TCTN1: variants seen among roughly 807,000 people sequenced by gnomAD.
TCTN1 encodes the protein tectonic family member 1.
TCTN1 carries 58 observed loss-of-function variants against 65.8 expected under a neutral mutation model. The observed-to-expected ratio is 0.88, with a 90% CI of 0.71 to 1.10. TCTN1 has a LOEUF of 1.10. TCTN1 is among the 50% of genes least tolerant of loss of function. The probability of loss-of-function intolerance (pLI) is 0.00; values close to 1 mark genes in which losing one functional copy is unlikely to be tolerated. For missense variants in TCTN1, 645 were observed against 719.4 expected (o/e 0.90, Z 1.18); for synonymous variants, 273 against 289.1 (o/e 0.94, Z 0.57).
intron 2 of TCTN1, among the ~76,000 whole-genome samples, chr12:110,621,821 C>G (rs1396104121): frequency 1.3e-5 from 2 of 151,756 alleles, no homozygotes; most frequent in African/African-American, 4.8e-5. Context: ...GAGCTCCTGC[C>G]ACATAGTGGG....
chr12:110,624,387 CT>C (rs1259268313), intron 2 of TCTN1, among the ~76,000 whole-genome samples: 1 of 150,076 alleles, frequency 6.7e-6, no homozygotes, highest in Non-Finnish European at 1.5e-5. Context: ...CTAATTTTTT[CT>C]TTGTTTTTTG....
At chr12:110,615,642 CTTTTTTTA>C (rs979969600) in intron 1 of TCTN1, among the ~76,000 whole-genome samples, 2 of 151,930 alleles carry the variant, frequency 1.3e-5, no homozygotes, top group African/African-American at 4.8e-5. Context: ...CCCCAGCTTG[CTTTTTTTA>C]TTTTTTTATT....
At chr12:110,628,736 G>A (rs776231783) in intron 3 of TCTN1, 31 bp from the exon 4 acceptor site, 19 of 1,545,366 alleles carry the variant, frequency 1.2e-5, no homozygotes, top group Non-Finnish European at 1.7e-5. Flanking sequence ...ATTTTATACC[G>A]ATTTAAAATA....
At chr12:110,623,140 A>G (rs2065564695) in intron 2 of TCTN1, among the ~76,000 whole-genome samples, 1 of 152,178 alleles carries the variant, frequency 6.6e-6, no homozygotes. Context: ...GACCTTCAGA[A>G]GTTCTCATTA....
At chr12:110,634,458 C>G (rs1465312773) in intron 5 of TCTN1, 4 of 597,164 alleles carry the variant, frequency 6.7e-6, no homozygotes, top group Non-Finnish European at 9.3e-6. Context: ...GAGAGGATCA[C>G]TTGAGGTGAG....
rs775749667 is a variant in TCTN1 at position 110,614,292 on chromosome 12, C to T, written c.110C>T (p.Ser37Phe). ...TPAVTTEGLN[S>F]TEAALATFGT... ...GCGGTGACGACAGAGGGCCTCAACT[C>T]CACCGAGGCAGCCCTGGCCACCTTC... The change falls in exon 1 of 15, where the codon TCC becomes TTC. Residue 37 changes from serine (S) to phenylalanine (F), a missense_variant. Transcript: ENST00000397659. 8.1e-6 allele frequency: 13 copies of T among 1,598,466 alleles called. No individual in the cohort carries two copies. The highest frequency in any genetic ancestry group is 1.3e-5 in the African/African-American group (1 of 74,782).
chr12:110,647,942 G>T, intron 14 of TCTN1, 49 bp downstream of exon 14: 3 of 1,610,006 alleles, frequency 1.9e-6, no homozygotes, highest in Non-Finnish European at 1.7e-6. Flanking sequence ...CCTTTGGAAA[G>T]TGTGCACGTG....
intron 1 of TCTN1, among the ~76,000 whole-genome samples, chr12:110,617,784 G>A (rs2065145903): frequency 6.6e-6 from 1 of 150,958 alleles, no homozygotes; most frequent in African/African-American, 2.4e-5. Flanking sequence ...GGGACTACGG[G>A]TGTGTGCCAC....
intron 1 of TCTN1, among the ~76,000 whole-genome samples, chr12:110,619,552 A>G (rs1183050134): frequency 6.6e-6 from 1 of 152,208 alleles, no homozygotes; most frequent in Non-Finnish European, 1.5e-5. Context: ...TGAAAACTGC[A>G]AATGCCTGGG....
At chr12:110,620,898 C>T (rs560213834) in intron 2 of TCTN1, among the ~76,000 whole-genome samples, 4 of 151,400 alleles carry the variant, frequency 2.6e-5, no homozygotes, top group African/African-American at 4.9e-5. Context: ...CTGCAACCAC[C>T]GCCTCCTGGC....
intron 12 of TCTN1, chr12:110,646,902 G>A (rs1420544191): frequency 1.5e-5 from 6 of 412,234 alleles, no homozygotes; most frequent in Non-Finnish European, 2.3e-5. Context: ...GAGCAGTTAT[G>A]GCCCTAAATG....
chr12:110,628,692 A>G, intron 3 of TCTN1, 75 bp from the exon 4 acceptor site: 1 of 1,356,830 alleles, frequency 7.4e-7, no homozygotes, highest in Non-Finnish European at 1.0e-6. Context: ...AAACTTTCCA[A>G]AACCTTTATA....
rs1466314203 is a variant in TCTN1 at position 110,619,916 on chromosome 12, G to C, written c.301G>C (p.Asp101His). ...CCCDPDCSSVDFSVFSACSVP... is the reference protein window; with the variant it reads ...CCCDPDCSSVHFSVFSACSVP... ...CTGTGATCCCGACTGCAGCTCCGTG[G>C]ATTTCAGTGTCTTTTCTGCCTGCTC... Residue 101 changes from aspartate (D) to histidine (H), a missense_variant, in exon 2 of 15, where the codon GAT becomes CAT. Transcript: ENST00000397659. 1.2e-6 allele frequency: 2 copies of C among 1,614,052 alleles called. No homozygotes were observed. The highest frequency in any genetic ancestry group is 2.2e-5 in the South Asian group (2 of 91,074).
At chr12:110,629,737 T>C (rs996174863) in intron 4 of TCTN1, 1 of 152,208 alleles carries the variant, frequency 6.6e-6, no homozygotes, top group African/African-American at 2.4e-5. Context: ...AGCAATTCCA[T>C]TACTGAGTAT....
chr12:110,619,063 A>C (rs927579309), intron 1 of TCTN1, among the ~76,000 whole-genome samples: 1 of 151,834 alleles, frequency 6.6e-6, no homozygotes, highest in Admixed American at 6.6e-5. Flanking sequence ...CTTTAATCCC[A>C]GCTACTCAGG....
chr12:110,647,017 G>T, intron 12 of TCTN1, 179 bp from the exon 13 acceptor site: 1 of 681,950 alleles, frequency 1.5e-6, no homozygotes, highest in Admixed American at 2.9e-5. Flanking sequence ...AAATATTTTT[G>T]GGGCATTGAG....
intron 7 of TCTN1, among the ~76,000 whole-genome samples, chr12:110,636,747 T>C (rs1391769452): frequency 6.6e-6 from 1 of 152,240 alleles, no homozygotes; most frequent in Non-Finnish European, 1.5e-5. Flanking sequence ...GTGACACCAC[T>C]GTCGTGACCA....
intron 2 of TCTN1, among the ~76,000 whole-genome samples, chr12:110,621,181 A>G (rs911986528): frequency 6.6e-6 from 1 of 152,196 alleles, no homozygotes; most frequent in Non-Finnish European, 1.5e-5. Context: ...GTATTCAGAG[A>G]TAGCTAATTT....
At chr12:110,622,364 A>T (rs949845613) in intron 2 of TCTN1, among the ~76,000 whole-genome samples, 2 of 152,062 alleles carry the variant, frequency 1.3e-5, no homozygotes, top group Admixed American at 1.3e-4. Flanking sequence ...CCTGAATGCC[A>T]GCACCAGGGA....
Sources: allele counts gnomAD v4.1 joint callset (sites outside exome capture counted in the v4.1 genomes callset), GRCh38; gene constraint gnomAD v4.1.1; transcripts MANE v1.5; gene names NCBI Gene and HGNC (gene_info 2026-07-23, HGNC 2026-07-21).